Variants in SEPTIN4 observed in about 807,000 individuals in gnomAD.
The protein encoded by SEPTIN4 is septin-4.
In SEPTIN4, 52 loss-of-function variants were observed where a neutral mutation model predicts 107.1. That is an observed-to-expected ratio of 0.49 (90% CI 0.39 to 0.61). SEPTIN4 has a LOEUF of 0.61. Ranked by LOEUF, SEPTIN4 falls within the 20% of genes least tolerant of loss-of-function variation. The probability of loss-of-function intolerance (pLI) is 0.00; values close to 1 mark genes in which losing one functional copy is unlikely to be tolerated. For missense variants in SEPTIN4, 1,048 were observed against 1,243.5 expected (o/e 0.84, Z 2.36); for synonymous variants, 417 against 467.0 (o/e 0.89, Z 1.38).
chr17:58,529,835 T>G (rs2043311059), intron 3 of SEPTIN4: 2 of 151,436 alleles, frequency 1.3e-5, no homozygotes, highest in African/African-American at 4.9e-5. Context: ...GGAACGTCAC[T>G]GTTTCAGAAA....
In SEPTIN4 at chr17:58,526,175, C is replaced by T; in HGVS notation, c.2005+45G>A. ...CACTCACGGACACACACACCATCCC[C>T]ACCTGAAACACACCCTGCCCAACCC... On this transcript the variant is annotated intron_variant, in intron 5 of 13. Transcript: ENST00000672673. 2.0e-6 allele frequency: 3 copies of T among 1,533,730 alleles called. 1 individual carries two copies. In the South Asian group the frequency reaches 3.9e-5, roughly 20 times the overall value.
In SEPTIN4 at chr17:58,526,573, A is replaced by ACACACACAC. The variant is rs2042911040; in HGVS notation, c.1911+108_1911+109insGTGTGTGTG. On this transcript the variant is annotated intron_variant, in intron 4 of 13. Coordinates refer to ENST00000672673, the MANE Select transcript of SEPTIN4 (RefSeq NM_001368771.2). ...TAGGTCCCAGATACACACACACACA[A>ACACACACAC]ACACACACACACACACACACACACA... 1.9e-5 allele frequency: 25 copies of ACACACACAC among 1,303,800 alleles called. No homozygotes were observed. The African/African-American group carries it at 3.4e-4, about 18-fold the overall frequency. The allele number at this position is 1,303,800 out of a possible 1,614,324, so 80.8% of individuals were successfully genotyped here.
At chr17:58,537,174 T>A (rs1244998657) in intron 3 of SEPTIN4, among the ~76,000 whole-genome samples, 1 of 152,224 alleles carries the variant, frequency 6.6e-6, no homozygotes, top group Non-Finnish European at 1.5e-5. Flanking sequence ...CCCCATTTTA[T>A]AGGCAGAGGG....
intron 3 of SEPTIN4, chr17:58,527,738 G>A: frequency 1.5e-6 from 1 of 673,500 alleles, no homozygotes; most frequent in Non-Finnish European, 1.8e-6. Context: ...GGATGGAAGA[G>A]CCTGGGAAAG....
chr17:58,525,464 G>T (rs942896081), intron 6 of SEPTIN4: 64 of 609,700 alleles, frequency 1.0e-4, no homozygotes, highest in Non-Finnish European at 1.6e-4. Context: ...ATCCTTGGGG[G>T]TCAGAGACTC....
At chr17:58,523,229 G>T (rs1165311837) in intron 7 of SEPTIN4, among the ~76,000 whole-genome samples, 1 of 152,096 alleles carries the variant, frequency 6.6e-6, no homozygotes, top group Non-Finnish European at 1.5e-5. Context: ...AAAAAAGTTA[G>T]CTTGGTGTGG....
In SEPTIN4 at chr17:58,541,948, TAC is replaced by T. The variant is rs2043889167; in HGVS notation, c.1578_1579del (p.Met526IlefsTer11). ...TTTTAGCCACCAGATGACACGATTG[TAC>T]ATTTCCTCAGAGACATCTGAAAGTA... On this transcript the variant is annotated frameshift_variant, in exon 2 of 14. Transcript: ENST00000672673. LOFTEE classifies it high-confidence loss of function. 6.2e-7 allele frequency: 1 copy of T among 1,613,974 alleles called. No homozygotes were observed. Among genetic ancestry groups the T allele is most frequent in the Admixed American group, 1.7e-5 (1 of 60,002 alleles).
chr17:58,533,875 C>T (rs887365537), intron 3 of SEPTIN4, among the ~76,000 whole-genome samples: 7 of 152,156 alleles, frequency 4.6e-5, no homozygotes, highest in Non-Finnish European at 5.9e-5. Flanking sequence ...GTCCTGTGGC[C>T]TAGGGTAAGG....
rs746184955 is a variant in SEPTIN4 at position 58,521,287 on chromosome 17, GA to G, written c.2634del (p.Arg879GlyfsTer21). On this transcript the variant is annotated frameshift_variant, in exon 11 of 14. Transcript: ENST00000672673. LOFTEE classifies it high-confidence loss of function. This position sits in a 1 kb window ranked among gnomAD's most constrained non-coding sequence, Gnocchi z 6.4. ...ATGCCCCAGGGGTAGAGTCGACCCC[GA>G]ACTCGCCGCCCTCTGGCCTCTACTA... ...NTVVEARGRR[V>X]RGRLYPWGIV... is the part of the protein sequence containing the mutation. The G allele has an allele frequency of 1.9e-6, 3 of 1,614,054 alleles. No homozygotes were observed. The African/African-American group carries it at 4.0e-5, about 22-fold the overall frequency.
intron 3 of SEPTIN4, among the ~76,000 whole-genome samples, chr17:58,537,199 G>T (rs1466169754): frequency 1.3e-5 from 2 of 152,304 alleles, no homozygotes; most frequent in African/African-American, 4.8e-5. Flanking sequence ...ACCTGCCCAG[G>T]TCTCACTGTG....
At chr17:58,532,543 C>T (rs1354070027) in intron 3 of SEPTIN4, among the ~76,000 whole-genome samples, 1 of 152,212 alleles carries the variant, frequency 6.6e-6, no homozygotes, top group Non-Finnish European at 1.5e-5. Flanking sequence ...TTCTCCACCT[C>T]CACCCGAGCT....
rs773125334 is a variant in SEPTIN4, at chr17:58,543,241, GT to G, written c.945del (p.Gln316ArgfsTer6). ...TKPSAKVLVSSQVESNVRTPI... is the reference protein window; with the variant it reads ...TKPSAKVLVSXQVESNVRTPI... ...GGGGTCCTCACGTTGGACTCCACCT[GT>G]GATGATACTAAGACCTTTGCGGAGG... On this transcript the variant is annotated frameshift_variant, in exon 1 of 14. Coordinates refer to ENST00000672673, the MANE Select transcript of SEPTIN4 (RefSeq NM_001368771.2). LOFTEE classifies it high-confidence loss of function. 6.2e-7 allele frequency: 1 copy of G among 1,614,158 alleles called. No homozygotes were observed.
In SEPTIN4 at chr17:58,542,812, A is replaced by G; in HGVS notation, c.1375T>C (p.Leu459=). Reference sequence around the variant, plus strand: ...CTAGAGTCTATTTTAAAACCGGACAATAAAAGATCTAGGGAAGGAGAGCAC... The same window carrying G: ...CTAGAGTCTATTTTAAAACCGGACAGTAAAAGATCTAGGGAAGGAGAGCAC... ...PKCSPSLDLL[L]SGFKIDSSPF... Residue 459 remains leucine (L), a synonymous_variant, in exon 1 of 14, where the codon TTG becomes CTG. Transcript: ENST00000672673. 1 of 1,614,180 alleles carries G rather than the reference A, an allele frequency of 6.2e-7. No individual in the cohort carries two copies. Among genetic ancestry groups the G allele is most frequent in the Non-Finnish European group, 8.5e-7 (1 of 1,180,028 alleles).
chr17:58,525,618 G>A lies in SEPTIN4; in HGVS notation c.2092+77C>T, dbSNP rs761550173. On this transcript the variant is annotated intron_variant, in intron 6 of 13. Transcript: ENST00000672673. ...GCCATGGTTTCCTGCATGTGGGGGA[G>A]AGCCCCATCCCCCAGACTCTGGAGT... 630 of 1,291,714 alleles carry A rather than the reference G, an allele frequency of 4.9e-4. 1 individual carries two copies. The highest frequency in any genetic ancestry group is 5.1e-4 in the Non-Finnish European group (457 of 890,352). 80.0% of individuals were successfully genotyped at this position (1,291,714 alleles called of 1,614,324 possible).
chr17:58,539,989 C>T (rs2043832705), intron 3 of SEPTIN4, among the ~76,000 whole-genome samples: 1 of 152,168 alleles, frequency 6.6e-6, no homozygotes, highest in African/African-American at 2.4e-5. Flanking sequence ...CTGTGGCCAA[C>T]TGTCCATCCT....
At chr17:58,527,651 C>G in intron 3 of SEPTIN4, 1 of 178,598 alleles carries the variant, frequency 5.6e-6, no homozygotes, top group Non-Finnish European at 1.1e-5. Flanking sequence ...TGACCCTGGG[C>G]CCTGGGAGAG....
In SEPTIN4 at chr17:58,526,820, A is replaced by C. The variant is rs1312801696; in HGVS notation, c.1773T>G (p.Asp591Glu). ...AGGGGGGTCTGAACTCCAGGTCATCATCATAGAGGTCCGGGGCCTGGGGCC... is the reference window on the plus strand; with the variant it reads ...AGGGGGGTCTGAACTCCAGGTCATCCTCATAGAGGTCCGGGGCCTGGGGCC... ...EPRPQAPDLY[D>E]DDLEFRPPSR... The change falls in exon 4 of 14, where the codon GAT becomes GAG. Residue 591 changes from aspartate (D) to glutamate (E), a missense_variant. This residue lies in a region of SEPTIN4 where 787 missense variants were observed against 871.8 expected (regional missense o/e 0.90). Transcript: ENST00000672673. The C allele has an allele frequency of 6.2e-7, 1 of 1,613,700 alleles. No individual in the cohort carries two copies. Among genetic ancestry groups the C allele is most frequent in the Non-Finnish European group, 8.5e-7 (1 of 1,179,880 alleles).
intron 13 of SEPTIN4, 66 bp downstream of exon 13, chr17:58,520,677 A>C: frequency 6.3e-7 from 1 of 1,599,652 alleles, no homozygotes; most frequent in Middle Eastern, 1.7e-4. Context: ...TTCTATTACC[A>C]AACAAAGAGA....
At chr17:58,537,904 T>C (rs1232794689) in intron 3 of SEPTIN4, among the ~76,000 whole-genome samples, 3 of 148,610 alleles carry the variant, frequency 2.0e-5, no homozygotes, top group Admixed American at 6.7e-5. Context: ...CTTTCAACAA[T>C]TCTTTCTTCT....
Sources: gnomAD v4.1 joint callset for allele counts (sites outside exome capture counted in the v4.1 genomes callset) on GRCh38, gnomAD v4.1.1 for gene constraint, gnomAD v4.1.1 regional missense constraint, Gnocchi (gnomAD v3.1) non-coding constraint, MANE v1.5 for transcripts, NCBI Gene and HGNC (gene_info 2026-07-23, HGNC 2026-07-21) for gene names.